ADGRD2: variants seen among roughly 807,000 people sequenced by gnomAD.
The protein encoded by ADGRD2 is adhesion G protein-coupled receptor D2, also known as G protein-coupled receptor PGR24.
In ADGRD2, 71 loss-of-function variants were observed where a neutral mutation model predicts 44.4. The ratio of observed to expected loss-of-function variants is 1.60; its 90% CI spans 1.32 to 1.95. ADGRD2 has a LOEUF of 1.95. ADGRD2 is among the 30% of genes most tolerant of loss of function. ADGRD2 has a pLI of 0.00. For synonymous variants in ADGRD2, 481 were observed against 224.8 expected, an observed-to-expected ratio of 2.14 and a Z score of -10.19; for missense variants, 1,039 against 512.4, an observed-to-expected ratio of 2.03 and a Z score of -9.92.
chr9:124,451,471 C>G, upstream of ADGRD2: 1 of 349,560 alleles, frequency 2.9e-6, no homozygotes, highest in Non-Finnish European at 5.6e-6. Context: ...CCACCCCATC[C>G]TGGGCTTCCA....
chr9:124,453,536 G>T (rs1434595585), exon 3 of ADGRD2: 2 of 697,366 alleles, frequency 2.9e-6, no homozygotes, highest in African/African-American at 1.8e-5. Context: ...CTGTGGGCGC[G>T]GGCGCTGAGC....
chr9:124,455,139 A>C lies in ADGRD2; in HGVS notation c.1393+12A>C, dbSNP rs115831644. ...TCTCCCTCCGTGAAGTGAGGCTGGC[A>C]GGGCTGGGTGGGGCAGGGGCCTGGG... is the stretch of plus-strand genomic sequence containing the variant. On this transcript the variant is annotated intron_variant, in intron 6 of 21. Coordinates refer to ENST00000334810, the Ensembl canonical transcript of ADGRD2. 946 of 636,584 alleles carry C rather than the reference A, an allele frequency of 1.5e-3. 2 individuals carry two copies. Among genetic ancestry groups the C allele is most frequent in the African/African-American group, 0.014 (752 of 55,012 alleles). 39.4% of individuals were successfully genotyped at this position (636,584 alleles called of 1,614,324 possible). A position where few individuals can be genotyped will look rare whatever the true frequency, so the allele number is the denominator to read the frequency against.
At chr9:124,452,120 C>A (rs1429171321) in exon 1 of ADGRD2, 1 of 717,766 alleles carries the variant, frequency 1.4e-6, no homozygotes, top group Non-Finnish European at 2.6e-6. Context: ...CCCCCTCCAA[C>A]TCCCCAGGTG....
At chr9:124,475,771 A>C in intron 19 of ADGRD2, 156 bp downstream of exon 22, 2 of 550,396 alleles carry the variant, frequency 3.6e-6, no homozygotes, top group Non-Finnish European at 6.4e-6. Flanking sequence ...AGGGAGCCCC[A>C]TAGCCTTGGC....
At chr9:124,468,428 G>T in intron 13 of ADGRD2, 91 bp from the exon 17 acceptor site, 1 of 709,222 alleles carries the variant, frequency 1.4e-6, no homozygotes, top group South Asian at 1.5e-5. Flanking sequence ...ACTTCTTTGG[G>T]TTGGCAAGGC....
At chr9:124,467,340 C>CAAAAAAAAAAAAAAAAAA (rs59651695) in intron 11 of ADGRD2, 1 of 104,800 alleles carries the variant, frequency 9.5e-6, no homozygotes. Context: ...CTTGAAGCAA[C>CAAAAAAAAAAAAAAAAAA]AAAAAAAAAA....
intron 17 of ADGRD2, among the ~76,000 whole-genome samples, chr9:124,471,274 G>A (rs1831941480): frequency 6.6e-6 from 1 of 152,096 alleles, no homozygotes; most frequent in Non-Finnish European, 1.5e-5. Context: ...CCACCCCCCA[G>A]GCACCTCTCC....
upstream of ADGRD2, among the ~76,000 whole-genome samples, chr9:124,450,790 G>T (rs368602957): frequency 1.3e-5 from 2 of 152,258 alleles, no homozygotes; most frequent in East Asian, 3.8e-4. Context: ...TTTTCGTGCT[G>T]TCTGGAAAAG....
chr9:124,452,979 G>A (rs931808642), intron 2 of ADGRD2, 56 bp from the exon 6 acceptor site: 9 of 619,884 alleles, frequency 1.5e-5, no homozygotes, highest in Admixed American at 1.3e-4. Flanking sequence ...AAGGGCAGGG[G>A]CAGGACCATG....
Position 124,452,251 on chromosome 9 carries a change from A to G in ADGRD2, c.68+93A>G. On this transcript the variant is annotated intron_variant, in intron 1 of 21. Coordinates refer to ENST00000334810, the Ensembl canonical transcript of ADGRD2. Reference sequence around the variant, plus strand: ...ACTGGCCTAGAATGCAAAGGAGGGGAAGAGTAACATTTAGTTCCACCCCCA... The same window carrying G: ...ACTGGCCTAGAATGCAAAGGAGGGGGAGAGTAACATTTAGTTCCACCCCCA... The G allele has an allele frequency of 1.1e-5, 7 of 639,912 alleles. No individual in the cohort carries two copies. The South Asian group carries it at 1.3e-4, about 12-fold the overall frequency. 39.6% of individuals were successfully genotyped at this position (639,912 alleles called of 1,614,324 possible). A position where few individuals can be genotyped will look rare whatever the true frequency, so the allele number is the denominator to read the frequency against.
upstream of ADGRD2, chr9:124,451,998 C>CCCCA: frequency 3.0e-6 from 1 of 335,356 alleles, no homozygotes. Context: ...CCACTGAATG[C>CCCCA]CCCCCTCCCA....
chr9:124,472,897 T>C (rs1831978451), intron 17 of ADGRD2, among the ~76,000 whole-genome samples: 1 of 152,212 alleles, frequency 6.6e-6, no homozygotes. Flanking sequence ...AGATTACCCT[T>C]GGGACGGTCA....
At chr9:124,458,353 A>G (rs1831657184) in intron 9 of ADGRD2, 117 bp downstream of exon 12, 1 of 636,686 alleles carries the variant, frequency 1.6e-6, no homozygotes, top group South Asian at 1.8e-5. Context: ...ACCCTTTCCC[A>G]CCCCTGCCCA....
intron 14 of ADGRD2, among the ~76,000 whole-genome samples, chr9:124,468,882 C>T (rs1042665801): frequency 6.6e-5 from 10 of 151,672 alleles, no homozygotes; most frequent in Non-Finnish European, 1.5e-4. Flanking sequence ...TCCAATTTAC[C>T]CATCCCCATT....
At chr9:124,460,188 G>A (rs375977817) in intron 10 of ADGRD2, among the ~76,000 whole-genome samples, 4 of 148,984 alleles carry the variant, frequency 2.7e-5, no homozygotes, top group South Asian at 2.1e-4. Flanking sequence ...GTGGAAAAGC[G>A]TCCACGCTCT....
At chr9:124,474,286 A>AG (rs2131260817) in intron 17 of ADGRD2, among the ~76,000 whole-genome samples, 1 of 150,826 alleles carries the variant, frequency 6.6e-6, no homozygotes, top group Non-Finnish European at 1.5e-5. Flanking sequence ...CAAAAAAAAA[A>AG]AAAAAAAAAA....
intron 17 of ADGRD2, among the ~76,000 whole-genome samples, chr9:124,472,307 C>G (rs1831959615): frequency 6.6e-6 from 1 of 152,142 alleles, no homozygotes; most frequent in South Asian, 2.1e-4. Flanking sequence ...CACTGTCCCC[C>G]TCTCCCTGTG....
chr9:124,455,070 T>C lies in ADGRD2; in HGVS notation c.1338T>C (p.Ser446=), dbSNP rs1305780361. The C allele has an allele frequency of 4.2e-6, 3 of 717,158 alleles. No homozygotes were observed. In the African/African-American group the frequency reaches 5.2e-5, roughly 13 times the overall value. The allele number at this position is 717,158 out of a possible 1,614,324, so 44.4% of individuals were successfully genotyped here. ...AGCAGCTGAGCCAAGGCGTTGTATC[T>C]GTGGCCAGCCTGGTCCTGGAGGAGC... Residue 446 remains serine (S), a synonymous_variant, in exon 6 of 22, where the codon TCT becomes TCC. Transcript: ENST00000334810.
chr9:124,469,406 C>T (rs1276667564), intron 15 of ADGRD2, 26 bp from the exon 19 acceptor site: 1 of 718,194 alleles, frequency 1.4e-6, no homozygotes. Flanking sequence ...GGGAAGTCCT[C>T]TTGCCCACTG....
Sources: gnomAD v4.1 joint callset for allele counts (sites outside exome capture counted in the v4.1 genomes callset) on GRCh38, gnomAD v4.1.1 for gene constraint, MANE v1.5 for transcripts, NCBI Gene and HGNC (gene_info 2026-07-23, HGNC 2026-07-21) for gene names.